The following LARGE1 variants were observed in gnomAD, a reference collection of about 807,000 sequenced individuals.
LARGE1 encodes the protein xylosyl- and glucuronyltransferase LARGE1.
Under a neutral mutation model 87.6 loss-of-function variants are expected in LARGE1, and 43 were observed. That is an observed-to-expected ratio of 0.49 (90% CI 0.38 to 0.63). The LOEUF (loss-of-function observed/expected upper bound fraction) is 0.63. Among genes scored for constraint, LARGE1 ranks in the 30% least tolerant of loss-of-function variants. The probability of loss-of-function intolerance (pLI) is 0.00; values close to 1 mark genes in which losing one functional copy is unlikely to be tolerated. For synonymous variants in LARGE1, 434 were observed against 394.6 expected (o/e 1.10, Z -1.18); for missense variants, 802 against 1,000.2 (o/e 0.80, Z 2.67).
chr22:33,083,418 A>C, the LARGE1 span, among the ~76,000 whole-genome samples: 5 of 152,212 alleles, frequency 3.3e-5, no homozygotes, highest in Non-Finnish European at 7.3e-5. Flanking sequence ...AGTGCAGTAG[A>C]GCTAGATTAC....
rs548094712 is a variant in LARGE1, at chr22:33,790,941, C to G, written c.-82-29383G>C. 2.0e-5 allele frequency among the ~76,000 whole-genome samples: 3 copies of G among 152,310 alleles called. No individual in the cohort carries two copies. The South Asian group carries it at 6.2e-4, about 32-fold the overall frequency. ...TTTTGTTTTTGCTTTAAAAGGCCCA[C>G]AAGCACATATCCTTTCAAGGTGAAC... On this transcript the variant is annotated intron_variant, in intron 1 of 14. Transcript: ENST00000397394.
chr22:33,903,093 T>C (rs2065331241), intron 1 of LARGE1, among the ~76,000 whole-genome samples: 1 of 152,100 alleles, frequency 6.6e-6, no homozygotes. Flanking sequence ...GATCAAGCCA[T>C]TGCACTGCAG....
At chr22:33,282,927 A>G (rs933187317) in intron 13 of LARGE1, among the ~76,000 whole-genome samples, 2 of 152,170 alleles carry the variant, frequency 1.3e-5, no homozygotes, top group African/African-American at 4.8e-5. Context: ...GAAATAAGCT[A>G]AACCTTCCTA....
At chr22:33,389,872 AACCAACCAACCAACCAAC>A (rs1431745321) in intron 7 of LARGE1, among the ~76,000 whole-genome samples, 12 of 151,880 alleles carry the variant, frequency 7.9e-5, no homozygotes, top group African/African-American at 2.9e-4. Context: ...CCAACCAACC[AACCAACCAACCAACCAAC>A]CAAACAAAAA....
At chr22:33,237,141 C>G (rs1420711263) in intron 11 of LARGE1, among the ~76,000 whole-genome samples, 1 of 152,194 alleles carries the variant, frequency 6.6e-6, no homozygotes, top group East Asian at 1.9e-4. Context: ...AGGGAGATCA[C>G]TGCCATATGA....
At chr22:33,247,044 A>AGTGTGT (rs1203064501) in intron 11 of LARGE1, among the ~76,000 whole-genome samples, 81 of 82,912 alleles carry the variant, frequency 9.8e-4, no homozygotes, top group African/African-American at 3.5e-3. Flanking sequence ...AACTGCAGCC[A>AGTGTGT]GTATGTGTGT....
At chr22:33,650,229 A>T (rs964636928) in intron 3 of LARGE1, 138 bp downstream of exon 3, 34 of 1,094,040 alleles carry the variant, frequency 3.1e-5, no homozygotes, top group Non-Finnish European at 3.4e-5. Flanking sequence ...TTAGCGAGCA[A>T]GCCAGACTTA....
chr22:33,541,494 T>C (rs1443371398), intron 6 of LARGE1, among the ~76,000 whole-genome samples: 3 of 152,212 alleles, frequency 2.0e-5, no homozygotes, highest in Non-Finnish European at 4.4e-5. Context: ...TTGAGTTTCA[T>C]TCTTTACCTT....
At chr22:33,720,269 A>AG (rs1024103296) in intron 2 of LARGE1, among the ~76,000 whole-genome samples, 3 of 152,106 alleles carry the variant, frequency 2.0e-5, no homozygotes, top group Admixed American at 2.0e-4. Context: ...AGTTCACAAT[A>AG]GGGTTTGCAA....
At chr22:33,662,437 G>A (rs866694340) in intron 2 of LARGE1, among the ~76,000 whole-genome samples, 4 of 152,058 alleles carry the variant, frequency 2.6e-5, no homozygotes, top group African/African-American at 7.3e-5. Context: ...ACAGTCAACT[G>A]GCTTTGAGAC....
chr22:33,302,420 C>T (rs549015402), intron 12 of LARGE1, among the ~76,000 whole-genome samples: 4 of 152,252 alleles, frequency 2.6e-5, no homozygotes, highest in East Asian at 1.9e-4. Context: ...GGACTCCTCC[C>T]GCCCCAGGGG....
intron 12 of LARGE1, among the ~76,000 whole-genome samples, chr22:33,302,053 A>G (rs1934219913): frequency 6.6e-6 from 1 of 152,158 alleles, no homozygotes; most frequent in African/African-American, 2.4e-5. Context: ...GAGGGTGGGC[A>G]GGGGTCCAAT....
intron 6 of LARGE1, among the ~76,000 whole-genome samples, chr22:33,503,566 C>T (rs982815814): frequency 2.0e-5 from 3 of 151,878 alleles, no homozygotes; most frequent in Non-Finnish European, 2.9e-5. Context: ...TTTGGGAGGC[C>T]GAGGCGGGTG....
chr22:33,103,618 C>G, the LARGE1 span, among the ~76,000 whole-genome samples: 2 of 151,980 alleles, frequency 1.3e-5, no homozygotes, highest in African/African-American at 4.8e-5. Flanking sequence ...GACCATGTGG[C>G]AAGGAATGTG....
chr22:33,247,619 G>T (rs1289256596), intron 11 of LARGE1, among the ~76,000 whole-genome samples: 1 of 152,208 alleles, frequency 6.6e-6, no homozygotes, highest in Non-Finnish European at 1.5e-5. Context: ...TATGTCTAAT[G>T]AAATATGGAC....
intron 3 of LARGE1, among the ~76,000 whole-genome samples, chr22:33,630,998 G>T (rs146641295): frequency 6.6e-6 from 1 of 151,870 alleles, no homozygotes; most frequent in South Asian, 2.1e-4. Context: ...GACTACAGGC[G>T]CCTGCCACCA....
chr22:33,367,007 T>C (rs960575017), intron 9 of LARGE1, among the ~76,000 whole-genome samples: 4 of 152,254 alleles, frequency 2.6e-5, no homozygotes, highest in African/African-American at 9.6e-5. Context: ...TAGAAGATAA[T>C]CTAAACTTTA....
At chr22:33,533,572 A>C (rs1157847678) in intron 6 of LARGE1, among the ~76,000 whole-genome samples, 1 of 152,170 alleles carries the variant, frequency 6.6e-6, no homozygotes, top group Non-Finnish European at 1.5e-5. Flanking sequence ...AAATGCCCCG[A>C]CTTTGTGGAT....
chr22:33,884,521 TTGGC>T, intron 1 of LARGE1, among the ~76,000 whole-genome samples: 1 of 152,314 alleles, frequency 6.6e-6, no homozygotes, highest in Non-Finnish European at 1.5e-5. Flanking sequence ...GACTGTCAGT[TTGGC>T]TGGAGTGTCA....
Sources: gnomAD v4.1 joint callset for allele counts (sites outside exome capture counted in the v4.1 genomes callset) on GRCh38, gnomAD v4.1.1 for gene constraint, MANE v1.5 for transcripts, NCBI Gene and HGNC (gene_info 2026-07-23, HGNC 2026-07-21) for gene names.